GABRD: variants seen among roughly 807,000 people sequenced by gnomAD.
The protein encoded by GABRD is gamma-aminobutyric acid receptor subunit delta.
A neutral mutation model predicts 47.3 loss-of-function variants in GABRD; 25 were observed. The observed-to-expected ratio is 0.53, with a 90% CI of 0.39 to 0.74. The LOEUF is 0.74. GABRD is among the 30% of genes least tolerant of loss of function. The pLI, the probability that GABRD is intolerant of heterozygous loss-of-function variation, is 0.00. For synonymous variants in GABRD, 314 were observed against 278.8 expected (o/e 1.13, Z -1.26); for missense variants, 497 against 643.4 (o/e 0.77, Z 2.46).
At chr1:2,020,355 G>A (rs1368222359) in intron 1 of GABRD, among the ~76,000 whole-genome samples, 2 of 152,282 alleles carry the variant, frequency 1.3e-5, no homozygotes, top group Non-Finnish European at 2.9e-5. Context: ...AAAGACTGCA[G>A]AAGAAACAGC....
intron 4 of GABRD, chr1:2,027,329 G>C: frequency 1.8e-6 from 1 of 549,434 alleles, no homozygotes; most frequent in Non-Finnish European, 3.3e-6. Flanking sequence ...TAGGCCCCCA[G>C]CCTAGTTCAA....
rs1211108066 is a variant in GABRD at position 2,019,453 on chromosome 1, G to A, written c.30G>A (p.Pro10=). The change falls in exon 1 of 9, where the codon CCG becomes CCA. Residue 10 remains proline (P), a synonymous_variant. Transcript: ENST00000378585. ...ACGCGCCCGCCCGGCTGCTGGCCCCGCTCCTGCTCCTCTGCGCGCAGCAGC... is the reference window on the plus strand; with the variant it reads ...ACGCGCCCGCCCGGCTGCTGGCCCCACTCCTGCTCCTCTGCGCGCAGCAGC... The part of the protein sequence containing the change: MDAPARLLA[P]LLLLCAQQLR... 1 of 1,108,388 alleles carries A rather than the reference G, an allele frequency of 9.0e-7. No individual in the cohort carries two copies. Among genetic ancestry groups the A allele is most frequent in the South Asian group, 4.0e-5 (1 of 25,092 alleles). 68.7% of individuals were successfully genotyped at this position (1,108,388 alleles called of 1,614,324 possible).
rs762485697 is a variant in GABRD, at chr1:2,029,806, C to T, written c.1059+44C>T. 6 of 1,563,216 alleles carry T rather than the reference C, an allele frequency of 3.8e-6. No homozygotes were observed. In the South Asian group the frequency reaches 5.6e-5, roughly 14 times the overall value. ...GCCAGGGACAGCACTGCTGGGGGCC[C>T]CAACCAGGACCCTTCAGCTGCCCCA... is the stretch of plus-strand genomic sequence containing the variant. On this transcript the variant is annotated intron_variant, in intron 8 of 8. Transcript: ENST00000378585.
chr1:2,024,831 CA>C (rs1317933746), intron 1 of GABRD, 110 bp from the exon 2 acceptor site: 1 of 751,030 alleles, frequency 1.3e-6, no homozygotes, highest in Non-Finnish European at 2.3e-6. Context: ...AGTGGCCCCC[CA>C]TGCCCTGGCC....
intron 1 of GABRD, among the ~76,000 whole-genome samples, chr1:2,020,403 G>A (rs1243666804): frequency 6.6e-6 from 1 of 152,248 alleles, no homozygotes; most frequent in Non-Finnish European, 1.5e-5. Flanking sequence ...CTCAGAGACC[G>A]TGAAGATGTA....
Position 2,029,986 on chromosome 1 carries a change from G to A in GABRD, c.1063G>A (p.Asp355Asn). 6.2e-7 allele frequency: 1 copy of A among 1,612,678 alleles called. No homozygotes were observed. Among genetic ancestry groups the A allele is most frequent in the Non-Finnish European group, 8.5e-7 (1 of 1,179,860 alleles). The change falls in exon 9 of 9, where the codon GAC (aspartate) becomes AAC (asparagine). Residue 355 changes from aspartate to asparagine, a missense_variant. Physicochemically the swap from Asp to Asn is conservative, Grantham distance 23 (BLOSUM62 1). Transcript: ENST00000378585. ...TCCCCCACCGGCCTTCGTGCAGATG[G>A]ACGTGAGGAACGCCATTGTCCTCTT... Reference protein sequence around the residue: ...VKVSRPRAEMDVRNAIVLFSL... With the variant: ...VKVSRPRAEMNVRNAIVLFSL...
chr1:2,020,402 C>T (rs950032661), intron 1 of GABRD, among the ~76,000 whole-genome samples: 3 of 152,224 alleles, frequency 2.0e-5, no homozygotes, highest in Non-Finnish European at 4.4e-5. Flanking sequence ...TCTCAGAGAC[C>T]GTGAAGATGT....
At chr1:2,029,393 A>G (rs1053956449) in intron 7 of GABRD, 127 bp downstream of exon 7, 2 of 1,399,378 alleles carry the variant, frequency 1.4e-6, no homozygotes, top group African/African-American at 2.9e-5. Flanking sequence ...GGCAGTGGCC[A>G]GCCGGGCCAG....
At chr1:2,025,205 C>G in intron 2 of GABRD, 129 bp from the exon 3 acceptor site, 2 of 1,314,658 alleles carry the variant, frequency 1.5e-6, no homozygotes, top group Admixed American at 3.5e-5. Context: ...CCCACAGAGA[C>G]AGCCAGGGAG....
In GABRD at chr1:2,027,747, C is replaced by T. The variant is rs6688232; in HGVS notation, c.553+88C>T. 0.011 allele frequency: 13,798 copies of T among 1,218,064 alleles called. 695 individuals carry two copies. In the African/African-American group the frequency reaches 0.13, roughly 11 times the overall value. The allele number at this position is 1,218,064 out of a possible 1,614,324, so 75.5% of individuals were successfully genotyped here. A position where few individuals can be genotyped will look rare whatever the true frequency, so the allele number is the denominator to read the frequency against. ...GCCCGGGGCCTGGACAAGGCTGGCC[C>T]GGCTCAGGATGCAGGAAAGCACCAA... On this transcript the variant is annotated intron_variant, in intron 5 of 8. Coordinates refer to ENST00000378585, the MANE Select transcript of GABRD (RefSeq NM_000815.5).
In GABRD at chr1:2,019,451, C is replaced by T. The variant is rs1658714538; in HGVS notation, c.28C>T (p.Pro10Ser). MDAPARLLA[P>S]LLLLCAQQLR... Reference sequence around the variant, plus strand: ...GGACGCGCCCGCCCGGCTGCTGGCCCCGCTCCTGCTCCTCTGCGCGCAGCA... The same window carrying T: ...GGACGCGCCCGCCCGGCTGCTGGCCTCGCTCCTGCTCCTCTGCGCGCAGCA... Residue 10 changes from proline to serine, a missense_variant, in exon 1 of 9, where the codon CCG becomes TCG. This residue lies in a region of GABRD where 91 missense variants were observed against 85.5 expected (regional missense o/e 1.06). Transcript: ENST00000378585. 9.0e-7 allele frequency: 1 copy of T among 1,114,848 alleles called. No homozygotes were observed. Among genetic ancestry groups the T allele is most frequent in the Non-Finnish European group, 1.1e-6 (1 of 914,572 alleles). The allele number at this position is 1,114,848 out of a possible 1,614,324, so 69.1% of individuals were successfully genotyped here.
rs1425813494 is a variant in GABRD, at chr1:2,028,580, T to G, written c.691+288T>G. 6.6e-6 allele frequency among the ~76,000 whole-genome samples: 1 copy of G among 152,126 alleles called. No homozygotes were observed. The highest frequency in any genetic ancestry group is 1.9e-4 in the East Asian group (1 of 5,170). Reference sequence around the variant, plus strand: ...CCATCTCACTCCTTGGTCCTTTCTCTCTTCCCAGCACTCCAGATTTATGGG... The same window carrying G: ...CCATCTCACTCCTTGGTCCTTTCTCGCTTCCCAGCACTCCAGATTTATGGG... On this transcript the variant is annotated intron_variant, in intron 6 of 8. Coordinates refer to ENST00000378585, the MANE Select transcript of GABRD (RefSeq NM_000815.5). This position sits in a 1 kb window ranked among gnomAD's most constrained non-coding sequence, Gnocchi z 6.4.
chr1:2,029,388 T>A, intron 7 of GABRD, 122 bp downstream of exon 7: 2 of 1,285,856 alleles, frequency 1.6e-6, no homozygotes, highest in Non-Finnish European at 2.0e-6. Flanking sequence ...CCTGGGGCAG[T>A]GGCCAGCCGG....
At chr1:2,021,688 G>A (rs895368824) in intron 1 of GABRD, among the ~76,000 whole-genome samples, 11 of 152,290 alleles carry the variant, frequency 7.2e-5, no homozygotes, top group Middle Eastern at 3.4e-3. Flanking sequence ...CGGCACCTCC[G>A]TCTCCCTGGA....
Position 2,021,882 on chromosome 1 carries a change from C to T in GABRD, c.68+2391C>T, listed in dbSNP as rs144452496. On this transcript the variant is annotated intron_variant, in intron 1 of 8. Transcript: ENST00000378585. ...GGAGGATCCCAGCTACATCTACCTT[C>T]CCTGTCTGTCCCCAGGGCGCAGACA... is the stretch of plus-strand genomic sequence containing the variant. Among the ~76,000 whole-genome samples, 733 of 152,314 alleles carry T rather than the reference C, an allele frequency of 4.8e-3. 9 individuals are homozygous for T. The highest frequency in any genetic ancestry group is 0.017 in the African/African-American group (710 of 41,564).
At chr1:2,019,521 G>T (rs1658716516) in intron 1 of GABRD, 30 bp downstream of exon 1, 1 of 1,102,382 alleles carries the variant, frequency 9.1e-7, no homozygotes, top group Non-Finnish European at 1.1e-6. Flanking sequence ...GCGGCGCGGG[G>T]TCGGGGGCGG....
At chr1:2,026,273 G>A (rs116417177) in intron 4 of GABRD, among the ~76,000 whole-genome samples, 79 of 152,258 alleles carry the variant, frequency 5.2e-4, no homozygotes, top group African/African-American at 1.9e-3. Context: ...TTATGACTCC[G>A]GCTTCGTTAC....
Position 2,030,141 on chromosome 1 carries a change from A to C in GABRD, c.1218A>C (p.Ala406=). The C allele has an allele frequency of 6.3e-7, 1 of 1,578,948 alleles. No homozygotes were observed. The highest frequency in any genetic ancestry group is 2.2e-5 in the East Asian group (1 of 44,466). Residue 406 remains alanine, a synonymous_variant, in exon 9 of 9, where the codon GCA becomes GCC. Transcript: ENST00000378585. ...VETGETKKEG[A]ARSGGQGGIR... ...CAGGGGAGACGAAGAAGGAGGGGGC[A>C]GCCCGCTCAGGAGGCCAGGGGGGCA...
rs1571022143 is a variant in GABRD at position 2,019,347 on chromosome 1, C to A, written c.-77C>A. ...TCGCGCCCGCGCCGCGCTCGCTCAG[C>A]TCCCGCCCGCCTGTGCCGCCTGTGC... is the stretch of plus-strand genomic sequence containing the variant. On this transcript the variant is annotated 5_prime_UTR_variant, in exon 1 of 9. Transcript: ENST00000378585. 1 of 815,144 alleles carries A rather than the reference C, an allele frequency of 1.2e-6. No individual in the cohort carries two copies. The highest frequency in any genetic ancestry group is 1.5e-6 in the Non-Finnish European group (1 of 676,124). 50.5% of individuals were successfully genotyped at this position (815,144 alleles called of 1,614,324 possible).
Sources: gnomAD v4.1 joint callset for allele counts (sites outside exome capture counted in the v4.1 genomes callset) on GRCh38, gnomAD v4.1.1 for gene constraint, gnomAD v4.1.1 regional missense constraint, Gnocchi (gnomAD v3.1) non-coding constraint, MANE v1.5 for transcripts, NCBI Gene and HGNC (gene_info 2026-07-23, HGNC 2026-07-21) for gene names.